KCNIP4: variants seen among roughly 807,000 people sequenced by gnomAD.
The protein encoded by KCNIP4 is potassium voltage-gated channel interacting protein 4.
Under a neutral mutation model 34.0 loss-of-function variants are expected in KCNIP4, and 12 were observed. That is an observed-to-expected ratio of 0.35 (90% CI 0.23 to 0.57). The LOEUF (loss-of-function observed/expected upper bound fraction) is 0.57. KCNIP4 is among the 20% of genes least tolerant of loss of function. The probability of loss-of-function intolerance (pLI) is 0.83; values close to 1 mark genes in which losing one functional copy is unlikely to be tolerated. For missense variants in KCNIP4, 238 were observed against 311.7 expected (o/e 0.76, Z 1.78); for synonymous variants, 124 against 102.2 (o/e 1.21, Z -1.29).
At chr4:21,022,691 C>T (rs936204711) in intron 1 of KCNIP4, among the ~76,000 whole-genome samples, 1 of 152,116 alleles carries the variant, frequency 6.6e-6, no homozygotes, top group African/African-American at 2.4e-5. Context: ...TTCATCTAAT[C>T]CTTACTAAAG....
chr4:20,905,504 T>C (rs1440037076), intron 1 of KCNIP4, among the ~76,000 whole-genome samples: 1 of 90,996 alleles, frequency 1.1e-5, no homozygotes, highest in South Asian at 4.2e-4. Context: ...TTGAACGTTT[T>C]CTTTCTTTTT....
chr4:21,126,965 T>C (rs1045511581), intron 1 of KCNIP4, among the ~76,000 whole-genome samples: 3 of 152,234 alleles, frequency 2.0e-5, no homozygotes, highest in Non-Finnish European at 2.9e-5. Flanking sequence ...CAGGCATGAA[T>C]AGCAAGTCCT....
chr4:21,325,063 TG>T, intron 1 of KCNIP4, among the ~76,000 whole-genome samples: 1 of 151,896 alleles, frequency 6.6e-6, no homozygotes, highest in Non-Finnish European at 1.5e-5. Context: ...TGCTCACTGT[TG>T]ACATATAGAA....
At chr4:21,528,675 CAAAGAAAGAAAGA>C (rs1736202482) in intron 1 of KCNIP4, among the ~76,000 whole-genome samples, 1 of 84,182 alleles carries the variant, frequency 1.2e-5, no homozygotes, top group African/African-American at 5.0e-5. Flanking sequence ...TCATAAAAAA[CAAAGAAAGAAAGA>C]AAGAAAGAAA....
intron 1 of KCNIP4, among the ~76,000 whole-genome samples, chr4:21,909,910 T>G (rs1454602010): frequency 1.3e-5 from 2 of 152,050 alleles, no homozygotes; most frequent in Non-Finnish European, 2.9e-5. Context: ...TGGGGGAAAC[T>G]GCCCCCATGA....
At chr4:21,943,956 CTT>C (rs60916117) in intron 1 of KCNIP4, among the ~76,000 whole-genome samples, 102 of 144,590 alleles carry the variant, frequency 7.1e-4, no homozygotes, top group Admixed American at 6.9e-4. Context: ...GAGACTCTTG[CTT>C]TTTTTTTTTT....
chr4:21,059,024 C>T (rs565966588), intron 1 of KCNIP4, among the ~76,000 whole-genome samples: 23 of 152,272 alleles, frequency 1.5e-4, no homozygotes, highest in African/African-American at 5.5e-4. Context: ...CCCCTGCACA[C>T]ACTGTCTTGC....
At chr4:21,147,392 A>C (rs1053762905) in intron 1 of KCNIP4, among the ~76,000 whole-genome samples, 2 of 152,010 alleles carry the variant, frequency 1.3e-5, no homozygotes, top group Non-Finnish European at 2.9e-5. Context: ...TTCCTTTATT[A>C]AACTCTTTTC....
At position 21,921,219 on chromosome 4, in the gene KCNIP4, C is replaced by T. The variant is rs963948586; in HGVS notation, c.61+27352G>A. On this transcript the variant is annotated intron_variant, in intron 1 of 8. Coordinates refer to ENST00000382152, the MANE Select transcript of KCNIP4 (RefSeq NM_025221.6). ...ACGCCTTCCTTCTTGGTTTCCATGA[C>T]ATCACACTCCTTTGATTTTTCTTCT... is the stretch of plus-strand genomic sequence containing the variant. Among the ~76,000 whole-genome samples, 12 of 152,220 alleles carry T rather than the reference C, an allele frequency of 7.9e-5. 1 individual carries two copies. The highest frequency in any genetic ancestry group is 4.2e-4 in the South Asian group (2 of 4,814).
intron 1 of KCNIP4, among the ~76,000 whole-genome samples, chr4:21,681,255 C>T (rs1750321517): frequency 6.6e-6 from 1 of 151,648 alleles, no homozygotes; most frequent in Non-Finnish European, 1.5e-5. Flanking sequence ...CGTGCACCAC[C>T]ATGCCAGGCT....
chr4:21,430,489 T>C (rs1398282400), intron 1 of KCNIP4, among the ~76,000 whole-genome samples: 1 of 152,082 alleles, frequency 6.6e-6, no homozygotes, highest in Non-Finnish European at 1.5e-5. Context: ...ACAGCCATAC[T>C]TATGACAGTG....
At chr4:21,230,942 G>A (rs1350022388) in intron 1 of KCNIP4, among the ~76,000 whole-genome samples, 7 of 152,134 alleles carry the variant, frequency 4.6e-5, no homozygotes, top group Non-Finnish European at 7.4e-5. Flanking sequence ...TCGCCACATT[G>A]TCTTCCAAAT....
At chr4:21,130,444 A>C (rs2109169552) in intron 1 of KCNIP4, among the ~76,000 whole-genome samples, 1 of 152,298 alleles carries the variant, frequency 6.6e-6, no homozygotes, top group South Asian at 2.1e-4. Flanking sequence ...AGTTCCAAGA[A>C]ACGTCATCAT....
At chr4:21,925,416 T>A (rs1430511048) in intron 1 of KCNIP4, among the ~76,000 whole-genome samples, 1 of 152,284 alleles carries the variant, frequency 6.6e-6, no homozygotes, top group Non-Finnish European at 1.5e-5. Context: ...CATGAACTCA[T>A]CATTTTTTAT....
At chr4:21,825,855 A>G (rs1267115437) in intron 1 of KCNIP4, among the ~76,000 whole-genome samples, 2 of 152,184 alleles carry the variant, frequency 1.3e-5, no homozygotes, top group Non-Finnish European at 2.9e-5. Context: ...TGAATAAAAC[A>G]AAACAGGAAA....
chr4:21,519,313 G>A (rs1234768057), intron 1 of KCNIP4, among the ~76,000 whole-genome samples: 1 of 151,154 alleles, frequency 6.6e-6, no homozygotes, highest in Non-Finnish European at 1.5e-5. Flanking sequence ...GGGTTCTCTA[G>A]AGGGACAGAA....
Position 20,868,872 on chromosome 4 carries a change from T to C in KCNIP4, c.163+13736A>G, listed in dbSNP as rs139599571. Among the ~76,000 whole-genome samples, 736 of 152,216 alleles carry C rather than the reference T, an allele frequency of 4.8e-3. 5 individuals carry two copies. The highest frequency in any genetic ancestry group is 0.02 in the Middle Eastern group (6 of 294). ...TTGAAAAACTACCTATTGGGTACTA[T>C]GCTCACTGCCAAGGTGACAGGATCC... On this transcript the variant is annotated intron_variant, in intron 2 of 8. Transcript: ENST00000382152.
rs550145545 is a variant in KCNIP4 at position 20,876,244 on chromosome 4, G to A, written c.163+6364C>T. ...TGTATTATTTCCTGACCATTATCTAGTAAGTGCCTTTTTGTCAAATAATGT... is the reference window on the plus strand; with the variant it reads ...TGTATTATTTCCTGACCATTATCTAATAAGTGCCTTTTTGTCAAATAATGT... On this transcript the variant is annotated intron_variant, in intron 2 of 8. Coordinates refer to ENST00000382152, the MANE Select transcript of KCNIP4 (RefSeq NM_025221.6). Among the ~76,000 whole-genome samples, 7 of 152,138 alleles carry A rather than the reference G, an allele frequency of 4.6e-5. No individual in the cohort carries two copies. The South Asian group carries it at 1.5e-3, about 32-fold the overall frequency.
chr4:21,894,564 G>A (rs919701951), intron 1 of KCNIP4, among the ~76,000 whole-genome samples: 1 of 152,060 alleles, frequency 6.6e-6, no homozygotes, highest in Admixed American at 6.6e-5. Context: ...GAGATAATAT[G>A]TCATTTTCCA....
Sources: gnomAD v4.1 joint callset for allele counts (sites outside exome capture counted in the v4.1 genomes callset) on GRCh38, gnomAD v4.1.1 for gene constraint, MANE v1.5 for transcripts, NCBI Gene and HGNC (gene_info 2026-07-23, HGNC 2026-07-21) for gene names.